MYO16: variants seen among roughly 807,000 people sequenced by gnomAD.
MYO16 encodes unconventional myosin-XVI.
MYO16 carries 94 observed loss-of-function variants against 205.3 expected under a neutral mutation model. That is an observed-to-expected ratio of 0.46 (90% confidence interval 0.39 to 0.54). MYO16 has a LOEUF of 0.54. Among genes scored for constraint, MYO16 ranks in the 20% least tolerant of loss-of-function variants. The pLI, the probability that MYO16 is intolerant of heterozygous loss-of-function variation, is 0.00. For missense variants in MYO16, 2,315 were observed against 2,387.5 expected (o/e 0.97, Z 0.63); for synonymous variants, 988 against 954.0 (o/e 1.04, Z -0.66).
intron 7 of MYO16, among the ~76,000 whole-genome samples, chr13:108,818,460 A>T (rs1313522306): frequency 6.6e-6 from 1 of 151,630 alleles, no homozygotes; most frequent in Non-Finnish European, 1.5e-5. Context: ...AAATAAAAAT[A>T]AAAAAGAGAG....
chr13:108,678,273 A>G (rs1882316510), intron 2 of MYO16, among the ~76,000 whole-genome samples: 1 of 152,222 alleles, frequency 6.6e-6, no homozygotes, highest in East Asian at 1.9e-4. Context: ...AACAGTGTTA[A>G]AACTGCCCCA....
At chr13:108,842,726 C>G (rs952077017) in intron 9 of MYO16, among the ~76,000 whole-genome samples, 1 of 152,000 alleles carries the variant, frequency 6.6e-6, no homozygotes, top group Non-Finnish European at 1.5e-5. Context: ...AATAGAACTA[C>G]CACATGATCC....
chr13:109,041,853 C>T (rs574076018), intron 23 of MYO16, among the ~76,000 whole-genome samples: 1 of 120,556 alleles, frequency 8.3e-6, no homozygotes, highest in Admixed American at 1.1e-4. Context: ...TTTTGATTTT[C>T]AAATTGCCTT....
chr13:109,107,935 G>C (rs565776572), intron 28 of MYO16, among the ~76,000 whole-genome samples: 2 of 151,092 alleles, frequency 1.3e-5, no homozygotes, highest in South Asian at 4.2e-4. Flanking sequence ...ACACATTTTT[G>C]TTATAAAAGT....
chr13:108,802,973 G>C (rs1254387732), intron 6 of MYO16, among the ~76,000 whole-genome samples: 13 of 152,098 alleles, frequency 8.5e-5, no homozygotes, highest in Non-Finnish European at 1.6e-4. Context: ...CAAGGGAGTG[G>C]CATCGTTAAA....
At chr13:108,593,394 T>A, upstream of MYO16, among the ~76,000 whole-genome samples, 1 of 152,066 alleles carries the variant, frequency 6.6e-6, no homozygotes, top group East Asian at 1.9e-4. Flanking sequence ...GGGAATCAGT[T>A]CCCGGAGGGA....
intron 21 of MYO16, among the ~76,000 whole-genome samples, chr13:109,006,379 A>G (rs957480218): frequency 6.6e-6 from 1 of 152,090 alleles, no homozygotes; most frequent in Non-Finnish European, 1.5e-5. Context: ...AGCTAGGACT[A>G]TAGGCACCCA....
At chr13:108,810,066 T>C (rs1350476114) in intron 7 of MYO16, among the ~76,000 whole-genome samples, 2 of 152,182 alleles carry the variant, frequency 1.3e-5, no homozygotes, top group Admixed American at 6.5e-5. Context: ...CAGACAGATA[T>C]CTTACTCAAA....
At chr13:108,859,894 G>C (rs1192144588) in intron 11 of MYO16, among the ~76,000 whole-genome samples, 1 of 152,082 alleles carries the variant, frequency 6.6e-6, no homozygotes, top group Non-Finnish European at 1.5e-5. Context: ...ATTGTAATTG[G>C]ATAAAAGCAA....
intron 23 of MYO16, among the ~76,000 whole-genome samples, chr13:109,040,385 CAGAGAGAGAGAG>C (rs146955371): frequency 4.4e-5 from 5 of 113,286 alleles, no homozygotes; most frequent in Non-Finnish European, 8.8e-5. Flanking sequence ...CACACACACA[CAGAGAGAGAGAG>C]AGAGAGAGAG....
chr13:108,924,975 G>A (rs960717634), intron 16 of MYO16, among the ~76,000 whole-genome samples: 1 of 152,178 alleles, frequency 6.6e-6, no homozygotes. Flanking sequence ...ACATAGGAAA[G>A]GGCCGTACTT....
intron 15 of MYO16, among the ~76,000 whole-genome samples, chr13:108,905,960 C>T (rs193287676): frequency 3.9e-5 from 6 of 152,234 alleles, no homozygotes; most frequent in South Asian, 2.1e-4. Flanking sequence ...GTAGTCCTTA[C>T]GAGCCACAAG....
chr13:108,549,836 T>C, the MYO16 span, among the ~76,000 whole-genome samples: 1 of 152,236 alleles, frequency 6.6e-6, no homozygotes, highest in African/African-American at 2.4e-5. Context: ...TAAAAGACCC[T>C]AATATGTTTC....
At chr13:108,843,114 G>C (rs945005459) in intron 9 of MYO16, among the ~76,000 whole-genome samples, 1 of 151,638 alleles carries the variant, frequency 6.6e-6, no homozygotes, top group Non-Finnish European at 1.5e-5. Flanking sequence ...GCAAGGGAAG[G>C]TGTCAGTCAC....
At chr13:109,157,431 A>G (rs1467181808) in intron 32 of MYO16, among the ~76,000 whole-genome samples, 1 of 151,780 alleles carries the variant, frequency 6.6e-6, no homozygotes, top group Non-Finnish European at 1.5e-5. Context: ...CCTCTGCGGC[A>G]TTCCCTTCCT....
At chr13:108,820,987 T>C (rs979540759) in intron 8 of MYO16, among the ~76,000 whole-genome samples, 2 of 152,258 alleles carry the variant, frequency 1.3e-5, no homozygotes, top group Admixed American at 6.5e-5. Context: ...ATTTAATAAA[T>C]GGATGCTACA....
In MYO16 at chr13:109,052,392, G is replaced by C; in HGVS notation, c.2965G>C (p.Gly989Arg). The change falls in exon 25 of 35, where the codon GGA becomes CGA. Residue 989 changes from glycine (G) to arginine (R), a missense_variant. Around this residue, in one of 3 missense-constraint regions of MYO16, gnomAD observed 1,213 missense variants for 1,274.4 expected, o/e 0.95. Transcript: ENST00000457511. ...TGCCTATCCTTCCTTTAAATTCCGAGGACATAAGTCTGCCCTGCTCAGTAA... is the reference window on the plus strand; with the variant it reads ...TGCCTATCCTTCCTTTAAATTCCGACGACATAAGTCTGCCCTGCTCAGTAA... ...VSAYPSFKFRGHKSALLSKKM... is the reference protein window; with the variant it reads ...VSAYPSFKFRRHKSALLSKKM... 1 of 1,612,590 alleles carries C rather than the reference G, an allele frequency of 6.2e-7. No homozygotes were observed. Among genetic ancestry groups the C allele is most frequent in the Non-Finnish European group, 8.5e-7 (1 of 1,178,878 alleles).
intron 14 of MYO16, among the ~76,000 whole-genome samples, chr13:108,897,551 A>C (rs1011450718): frequency 1.3e-5 from 2 of 152,228 alleles, no homozygotes; most frequent in Non-Finnish European, 2.9e-5. Flanking sequence ...TATGAGTGGA[A>C]AGTAAATAAG....
intron 9 of MYO16, among the ~76,000 whole-genome samples, chr13:108,842,111 C>T (rs1038998762): frequency 6.6e-6 from 1 of 151,730 alleles, no homozygotes; most frequent in African/African-American, 2.4e-5. Flanking sequence ...AAACCATAAA[C>T]CTCAAAAAAA....
Sources: allele counts gnomAD v4.1 joint callset (sites outside exome capture counted in the v4.1 genomes callset), GRCh38; gene constraint gnomAD v4.1.1; regional missense constraint gnomAD v4.1.1; transcripts MANE v1.5; gene names NCBI Gene and HGNC (gene_info 2026-07-23, HGNC 2026-07-21).